Variants in CNBD1 observed in about 807,000 individuals in gnomAD.
The protein encoded by CNBD1 is cyclic nucleotide-binding domain-containing protein 1.
A neutral mutation model predicts 54.4 loss-of-function variants in CNBD1; 71 were observed. That is an observed-to-expected ratio of 1.30 (90% confidence interval 1.08 to 1.59). The LOEUF (loss-of-function observed/expected upper bound fraction) is 1.59. Ranked by LOEUF, CNBD1 falls within the 40% of genes most tolerant of loss-of-function variation. The pLI is 0.00. For synonymous variants in CNBD1, 182 were observed against 170.7 expected (o/e 1.07, Z -0.51); for missense variants, 659 against 518.0 (o/e 1.27, Z -2.64).
chr8:87,206,167 C>A, intron 5 of CNBD1, 29 bp downstream of exon 5: 1 of 1,475,434 alleles, frequency 6.8e-7, no homozygotes, highest in Non-Finnish European at 9.0e-7. Context: ...ATAAATTTGG[C>A]GAGATAAAAT....
chr8:87,253,279 A>G (rs1419938794), intron 6 of CNBD1, among the ~76,000 whole-genome samples: 1 of 152,032 alleles, frequency 6.6e-6, no homozygotes, highest in Non-Finnish European at 1.5e-5. Flanking sequence ...GCTTGCAGTT[A>G]GAGTCAGCCC....
At chr8:87,230,191 C>A (rs549037497) in intron 5 of CNBD1, among the ~76,000 whole-genome samples, 1 of 152,058 alleles carries the variant, frequency 6.6e-6, no homozygotes. Flanking sequence ...AGAACAGCAT[C>A]GAGAGGATGG....
intron 4 of CNBD1, among the ~76,000 whole-genome samples, chr8:87,081,205 C>G (rs1400945914): frequency 6.6e-6 from 1 of 151,968 alleles, no homozygotes; most frequent in East Asian, 1.9e-4. Flanking sequence ...GTTGTGTTAT[C>G]ATTTTCATTT....
intron 4 of CNBD1, among the ~76,000 whole-genome samples, chr8:86,966,209 C>G (rs1199932029): frequency 2.0e-5 from 3 of 152,172 alleles, no homozygotes; most frequent in African/African-American, 4.8e-5. Flanking sequence ...GGAACCTGCC[C>G]CCTTCTACCC....
intron 4 of CNBD1, among the ~76,000 whole-genome samples, chr8:86,961,090 T>G (rs78547243): frequency 0.073 from 11,091 of 152,288 alleles, 604 homozygotes; most frequent in African/African-American, 0.15. Flanking sequence ...AAAGCTAGCC[T>G]GTTTATATAT....
At chr8:87,056,333 G>T (rs549648927) in intron 4 of CNBD1, among the ~76,000 whole-genome samples, 122 of 152,236 alleles carry the variant, frequency 8.0e-4, no homozygotes, top group Admixed American at 5.5e-3. Context: ...CTGCACTTTT[G>T]CCCTGGTTCC....
chr8:87,422,735 T>C (rs980974263), intron 2 of CNBD1, among the ~76,000 whole-genome samples: 2 of 152,196 alleles, frequency 1.3e-5, no homozygotes, highest in African/African-American at 2.4e-5. Context: ...TCTTTTGGCT[T>C]AGGATTGACT....
downstream of CNBD1, among the ~76,000 whole-genome samples, chr8:87,385,579 C>A (rs961516611): frequency 5.9e-5 from 9 of 152,050 alleles, no homozygotes; most frequent in Admixed American, 1.3e-4. Flanking sequence ...GAGGGGCGCC[C>A]ACCGTTGCCG....
At chr8:87,118,487 G>A (rs1811823679) in intron 4 of CNBD1, among the ~76,000 whole-genome samples, 1 of 152,202 alleles carries the variant, frequency 6.6e-6, no homozygotes, top group Non-Finnish European at 1.5e-5. Flanking sequence ...TGATAACTGA[G>A]AAATTAATCC....
intron 4 of CNBD1, among the ~76,000 whole-genome samples, chr8:87,074,514 C>T (rs1810827261): frequency 6.6e-6 from 1 of 152,182 alleles, no homozygotes; most frequent in South Asian, 2.1e-4. Context: ...TAAGCAACTG[C>T]TCTGCTGAGA....
chr8:87,277,942 T>C (rs1299177094), intron 6 of CNBD1, among the ~76,000 whole-genome samples: 7 of 151,612 alleles, frequency 4.6e-5, no homozygotes, highest in African/African-American at 1.5e-4. Context: ...TTCACAATAA[T>C]AATAATATTT....
intron 4 of CNBD1, among the ~76,000 whole-genome samples, chr8:87,112,078 G>A (rs576052792): frequency 1.1e-4 from 17 of 152,278 alleles, no homozygotes; most frequent in Non-Finnish European, 2.4e-4. Context: ...ACTGAGTCAG[G>A]TGGAGGGTCT....
At chr8:87,397,942 T>A (rs1000010859) in intron 2 of CNBD1, among the ~76,000 whole-genome samples, 2 of 152,012 alleles carry the variant, frequency 1.3e-5, no homozygotes, top group African/African-American at 4.8e-5. Flanking sequence ...TCACGTAAGA[T>A]GTGACTTGCT....
chr8:87,051,835 T>A (rs548463370), intron 4 of CNBD1, among the ~76,000 whole-genome samples: 29 of 152,304 alleles, frequency 1.9e-4, no homozygotes, highest in South Asian at 1.7e-3. Flanking sequence ...GATTTTTGTT[T>A]ATGGCCAGTT....
chr8:86,976,024 T>G (rs1808332870), intron 4 of CNBD1, among the ~76,000 whole-genome samples: 1 of 151,838 alleles, frequency 6.6e-6, no homozygotes, highest in Non-Finnish European at 1.5e-5. Context: ...CACGCATATT[T>G]TTTTTGAAAA....
intron 4 of CNBD1, among the ~76,000 whole-genome samples, chr8:87,041,937 A>G (rs910380501): frequency 1.2e-4 from 19 of 152,222 alleles, no homozygotes; most frequent in African/African-American, 3.9e-4. Context: ...CACCAGGTAG[A>G]AGAATATTCT....
intron 8 of CNBD1, among the ~76,000 whole-genome samples, chr8:87,330,646 G>A (rs553519413): frequency 2.0e-5 from 3 of 152,246 alleles, no homozygotes; most frequent in Admixed American, 2.0e-4. Flanking sequence ...TATTCTGAGA[G>A]AAGAAATTGT....
intron 4 of CNBD1, among the ~76,000 whole-genome samples, chr8:87,021,515 C>T (rs1322929270): frequency 2.0e-5 from 3 of 152,166 alleles, no homozygotes; most frequent in Non-Finnish European, 4.4e-5. Flanking sequence ...ATTCTGTTGG[C>T]TACATTTGCT....
At chr8:87,393,128 C>G (rs191068217) in intron 2 of CNBD1, among the ~76,000 whole-genome samples, 1 of 151,806 alleles carries the variant, frequency 6.6e-6, no homozygotes. Flanking sequence ...AATTTTGTGA[C>G]TGGAATCAAG....
Sources: gnomAD v4.1 joint callset for allele counts (sites outside exome capture counted in the v4.1 genomes callset) on GRCh38, gnomAD v4.1.1 for gene constraint, MANE v1.5 for transcripts, NCBI Gene and HGNC (gene_info 2026-07-23, HGNC 2026-07-21) for gene names.